The following NRXN3 variants were observed in gnomAD, a reference collection of about 807,000 sequenced individuals.
NRXN3 encodes the protein neurexin 3.
A neutral mutation model predicts 137.6 loss-of-function variants in NRXN3; 32 were observed. That is an observed-to-expected ratio of 0.23 (90% CI 0.18 to 0.31). The LOEUF (loss-of-function observed/expected upper bound fraction) is 0.31. Among genes scored for constraint, NRXN3 ranks in the 10% least tolerant of loss-of-function variants. The pLI is 1.00. For synonymous variants in NRXN3, 798 were observed against 784.5 expected, an observed-to-expected ratio of 1.02 and a Z score of -0.29; for missense variants, 1,574 against 2,062.5, an observed-to-expected ratio of 0.76 and a Z score of 4.59.
chr14:78,365,884 G>A (rs12887245), intron 4 of NRXN3, among the ~76,000 whole-genome samples: 13,748 of 152,196 alleles, frequency 0.09, 777 homozygotes, highest in East Asian at 0.28. Context: ...AGGGTACCCC[G>A]AATGAAAGAG....
At chr14:78,337,417 C>T (rs1318262971) in intron 4 of NRXN3, among the ~76,000 whole-genome samples, 1 of 151,972 alleles carries the variant, frequency 6.6e-6, no homozygotes, top group Non-Finnish European at 1.5e-5. Context: ...GTGAAGGTGG[C>T]AATGGGGGTT....
intron 15 of NRXN3, among the ~76,000 whole-genome samples, chr14:79,444,849 CATT>C (rs2096031579): frequency 1.3e-5 from 2 of 151,988 alleles, no homozygotes; most frequent in South Asian, 2.1e-4. Flanking sequence ...TTAAAAATAA[CATT>C]AATTAATTAA....
intron 15 of NRXN3, among the ~76,000 whole-genome samples, chr14:79,263,413 G>A (rs113303572): frequency 3.9e-5 from 6 of 152,060 alleles, no homozygotes; most frequent in East Asian, 3.9e-4. Context: ...GATAAAATCC[G>A]GGGAAAACAT....
chr14:78,714,735 A>C lies in NRXN3; in HGVS notation c.1661-21A>C, dbSNP rs1361753060. ...GTTAAGCAACTGGCAGACTCACCTGAGATCTGTCTTCCCACCCCAGGTACT... is the reference window on the plus strand; with the variant it reads ...GTTAAGCAACTGGCAGACTCACCTGCGATCTGTCTTCCCACCCCAGGTACT... On this transcript the variant is annotated intron_variant, in intron 7 of 20. Transcript: ENST00000335750. 5.0e-6 allele frequency: 8 copies of C among 1,605,706 alleles called. No homozygotes were observed. In the African/African-American group the frequency reaches 1.1e-4, roughly 21 times the overall value.
chr14:79,781,889 G>A (rs1306632101), intron 19 of NRXN3, among the ~76,000 whole-genome samples: 1 of 152,170 alleles, frequency 6.6e-6, no homozygotes, highest in Non-Finnish European at 1.5e-5. Flanking sequence ...GTAAAGAAAA[G>A]GCTTAAGTGT....
At chr14:79,254,739 G>C (rs1339854709) in intron 15 of NRXN3, among the ~76,000 whole-genome samples, 2 of 152,150 alleles carry the variant, frequency 1.3e-5, no homozygotes, top group Non-Finnish European at 2.9e-5. Flanking sequence ...ACAGGCTTTA[G>C]AGGGGAAACT....
intron 4 of NRXN3, among the ~76,000 whole-genome samples, chr14:78,312,383 T>C (rs4903749): frequency 0.17 from 25,502 of 152,132 alleles, 2,741 homozygotes; most frequent in South Asian, 0.23. Flanking sequence ...AAAGCTTTTA[T>C]ACCCATAACT....
intron 4 of NRXN3, among the ~76,000 whole-genome samples, chr14:78,305,350 G>A (rs550861115): frequency 2.6e-4 from 39 of 152,248 alleles, no homozygotes; most frequent in African/African-American, 8.7e-4. Context: ...TTGCTCTACA[G>A]AGTTTTGTAT....
At chr14:79,726,739 A>G (rs75435005) in intron 19 of NRXN3, among the ~76,000 whole-genome samples, 11,641 of 152,256 alleles carry the variant, frequency 0.076, 524 homozygotes, top group South Asian at 0.23. Flanking sequence ...CTGGCATAAA[A>G]GCCTTTTAAT....
rs73332961 is a variant in NRXN3, at chr14:79,020,779, T to C, written c.3262+32638T>C. On this transcript the variant is annotated intron_variant, in intron 15 of 20. Coordinates refer to ENST00000335750, the MANE Select transcript of NRXN3 (RefSeq NM_001330195.2). Reference sequence around the variant, plus strand: ...GTACAAATAACAACCCCTAACCACATTGTCCATATTGCAGGGTTTCCTAAG... The same window carrying C: ...GTACAAATAACAACCCCTAACCACACTGTCCATATTGCAGGGTTTCCTAAG... Among the ~76,000 whole-genome samples the C allele has an allele frequency of 9.0e-3, 1,367 of 151,870 alleles. 13 individuals are homozygous for C. The highest frequency in any genetic ancestry group is 0.028 in the African/African-American group (1,147 of 41,422).
chr14:79,637,558 A>G (rs984497523), intron 16 of NRXN3, among the ~76,000 whole-genome samples: 1 of 152,076 alleles, frequency 6.6e-6, no homozygotes, highest in Admixed American at 6.5e-5. Flanking sequence ...CAATCACTGC[A>G]GAGAAGACTG....
At position 78,938,248 on chromosome 14, in the gene NRXN3, G is replaced by C. The variant is rs1026746777; in HGVS notation, c.2276-18994G>C. The stretch of plus-strand genomic sequence containing the variant: ...AGAGATGTTTAGATGTTTGTCCAAG[G>C]TCACACAGCTAGTACCTGCTGGAGC... On this transcript the variant is annotated intron_variant, in intron 10 of 20. Coordinates refer to ENST00000335750, the MANE Select transcript of NRXN3 (RefSeq NM_001330195.2). Among the ~76,000 whole-genome samples, 6 of 152,294 alleles carry C rather than the reference G, an allele frequency of 3.9e-5. No homozygotes were observed. The South Asian group carries it at 1.0e-3, about 26-fold the overall frequency.
intron 10 of NRXN3, among the ~76,000 whole-genome samples, chr14:78,900,135 C>T (rs2099190742): frequency 1.3e-5 from 2 of 151,978 alleles, no homozygotes; most frequent in South Asian, 4.1e-4. Flanking sequence ...ATGCCCATTT[C>T]CATTTTTAGT....
chr14:78,828,389 T>C (rs578261443), intron 10 of NRXN3, among the ~76,000 whole-genome samples: 1 of 152,330 alleles, frequency 6.6e-6, no homozygotes, highest in Admixed American at 6.5e-5. Flanking sequence ...GGTGGTCCAC[T>C]CTAAAGTGTC....
chr14:78,601,798 C>T (rs999650767), intron 4 of NRXN3, among the ~76,000 whole-genome samples: 1 of 152,082 alleles, frequency 6.6e-6, no homozygotes, highest in African/African-American at 2.4e-5. Flanking sequence ...TCATCTTCTG[C>T]CATCTTGGTC....
chr14:78,533,378 C>T (rs949564319), intron 4 of NRXN3, among the ~76,000 whole-genome samples: 2 of 152,092 alleles, frequency 1.3e-5, no homozygotes, highest in Non-Finnish European at 2.9e-5. Context: ...GTTTATCCTC[C>T]TGTATCACTA....
intron 10 of NRXN3, among the ~76,000 whole-genome samples, chr14:78,859,547 C>A (rs1159696484): frequency 6.6e-6 from 1 of 152,044 alleles, no homozygotes; most frequent in Non-Finnish European, 1.5e-5. Context: ...AAAATGGGAT[C>A]CCTTTCATCA....
chr14:79,664,561 C>G (rs2098549116), intron 17 of NRXN3, among the ~76,000 whole-genome samples: 1 of 152,080 alleles, frequency 6.6e-6, no homozygotes, highest in Non-Finnish European at 1.5e-5. Flanking sequence ...GCTGGTGTGG[C>G]AGGAAAAGGG....
chr14:79,619,674 T>C (rs1421743932), intron 16 of NRXN3, among the ~76,000 whole-genome samples: 1 of 152,102 alleles, frequency 6.6e-6, no homozygotes, highest in African/African-American at 2.4e-5. Context: ...CAGAATACAG[T>C]ATTCATAAAA....
Sources: gnomAD v4.1 joint callset for allele counts (sites outside exome capture counted in the v4.1 genomes callset) on GRCh38, gnomAD v4.1.1 for gene constraint, MANE v1.5 for transcripts, NCBI Gene and HGNC (gene_info 2026-07-23, HGNC 2026-07-21) for gene names.